The following NFKB1 variants were observed in gnomAD, a reference collection of about 807,000 sequenced individuals.
NFKB1 encodes the protein nuclear factor kappa B subunit 1, also known as nuclear factor NF-kappa-B p105 subunit.
A neutral mutation model predicts 105.1 loss-of-function variants in NFKB1; 9 were observed. That is an observed-to-expected ratio of 0.09 (90% CI 0.05 to 0.15). The LOEUF is 0.15. Ranked by LOEUF, NFKB1 falls within the 10% of genes least tolerant of loss-of-function variation. The pLI is 1.00. For missense variants in NFKB1, 830 were observed against 1,203.7 expected, an observed-to-expected ratio of 0.69 and a Z score of 4.59; for synonymous variants, 440 against 442.2, an observed-to-expected ratio of 1.00 and a Z score of 0.06.
intron 6 of NFKB1, among the ~76,000 whole-genome samples, chr4:102,576,100 G>T (rs1009370123): frequency 6.6e-6 from 1 of 152,100 alleles, no homozygotes; most frequent in African/African-American, 2.4e-5. Flanking sequence ...CATTTTCATT[G>T]CTTTTTAAGC....
In NFKB1 at chr4:102,613,508, C is replaced by G. The variant is rs1421189905; in HGVS notation, c.2676C>G (p.Ala892=). 1 of 1,613,976 alleles carries G rather than the reference C, an allele frequency of 6.2e-7. No individual in the cohort carries two copies. Among genetic ancestry groups the G allele is most frequent in the South Asian group, 1.1e-5 (1 of 91,048 alleles). The part of the protein sequence containing the change: ...YTEAIEVIQA[A]SSPVKTTSQA... The stretch of plus-strand genomic sequence containing the variant: ...AAGCAATTGAAGTGATCCAGGCAGC[C>G]TCCAGCCCAGTGAAGACCACCTCTC... Residue 892 remains alanine, a synonymous_variant, in exon 23 of 24, where the codon GCC becomes GCG. Transcript: ENST00000226574.
At chr4:102,550,977 GGTT>G (rs1376122546) in intron 5 of NFKB1, among the ~76,000 whole-genome samples, 2 of 152,070 alleles carry the variant, frequency 1.3e-5, no homozygotes, top group African/African-American at 2.4e-5. Context: ...TATAAAGTCA[GGTT>G]GTTCTATTAA....
intron 11 of NFKB1, among the ~76,000 whole-genome samples, chr4:102,591,985 AG>A (rs1265672410): frequency 2.0e-5 from 3 of 152,244 alleles, no homozygotes; most frequent in African/African-American, 7.2e-5. Context: ...AATTGATTCC[AG>A]CCCTCGTGGG....
intron 1 of NFKB1, among the ~76,000 whole-genome samples, chr4:102,523,117 G>A (rs73837252): frequency 0.022 from 3,411 of 152,134 alleles, 63 homozygotes; most frequent in African/African-American, 0.057. Context: ...TTTTACAGAT[G>A]AAGAAACAAA....
In NFKB1 at chr4:102,576,874, A is replaced by T; in HGVS notation, c.408-2A>T. Reference sequence around the variant, plus strand: ...CTGCTGCTGTTACTGTTTTTTCTCCAGCTTCGCAAACCTGGGTATACTTCA... The same window carrying T: ...CTGCTGCTGTTACTGTTTTTTCTCCTGCTTCGCAAACCTGGGTATACTTCA... On this transcript the variant is annotated splice_acceptor_variant, in intron 6 of 23. Transcript: ENST00000226574. LOFTEE classifies it high-confidence loss of function. The T allele has an allele frequency of 6.2e-7, 1 of 1,601,970 alleles. No homozygotes were observed. Among genetic ancestry groups the T allele is most frequent in the Non-Finnish European group, 8.5e-7 (1 of 1,176,022 alleles).
chr4:102,569,031 T>C (rs1256138652), intron 6 of NFKB1, among the ~76,000 whole-genome samples: 1 of 152,148 alleles, frequency 6.6e-6, no homozygotes, highest in African/African-American at 2.4e-5. Context: ...TTTTTAGTGT[T>C]TCCTATGAAA....
chr4:102,525,660 T>C (rs1020480851), intron 2 of NFKB1, 103 bp downstream of exon 2: 79 of 1,067,890 alleles, frequency 7.4e-5, no homozygotes, highest in South Asian at 4.4e-4. Flanking sequence ...ATTCTAAAAT[T>C]AGTAAATTTT....
chr4:102,580,374 A>G (rs897430031), intron 8 of NFKB1, among the ~76,000 whole-genome samples, 161 bp from the exon 9 acceptor site: 3 of 152,212 alleles, frequency 2.0e-5, no homozygotes, highest in Non-Finnish European at 4.4e-5. Context: ...AAGTGTTCCG[A>G]GAATTTCAGA....
intron 16 of NFKB1, among the ~76,000 whole-genome samples, chr4:102,602,504 A>AG (rs1727256371): frequency 6.6e-6 from 1 of 150,942 alleles, no homozygotes. Context: ...GCGCCACTGC[A>AG]CTCCAGCCTG....
At chr4:102,615,799 G>A (rs1728895465) in intron 23 of NFKB1, among the ~76,000 whole-genome samples, 1 of 152,130 alleles carries the variant, frequency 6.6e-6, no homozygotes, top group South Asian at 2.1e-4. Flanking sequence ...TACATAAGAA[G>A]ATAGCATTTT....
At chr4:102,547,326 G>A (rs1416788557) in intron 5 of NFKB1, among the ~76,000 whole-genome samples, 2 of 152,174 alleles carry the variant, frequency 1.3e-5, no homozygotes, top group Non-Finnish European at 2.9e-5. Context: ...TACAAAAGAA[G>A]GAGTAAGAGG....
At chr4:102,607,582 T>C (rs1727904336) in intron 18 of NFKB1, 67 bp from the exon 19 acceptor site, 1 of 1,499,622 alleles carries the variant, frequency 6.7e-7, no homozygotes. Flanking sequence ...CCATGCACAC[T>C]GGGAGGTGGG....
At chr4:102,612,691 T>C in intron 22 of NFKB1, 85 bp downstream of exon 22, 1 of 1,306,972 alleles carries the variant, frequency 7.7e-7, no homozygotes, top group Non-Finnish European at 1.1e-6. Context: ...CTCCTTCCCT[T>C]TTCCTTAACT....
rs1038825509 is a variant in NFKB1, at chr4:102,515,350, T to C, written c.-7-10162T>C. On this transcript the variant is annotated intron_variant, in intron 1 of 23. Coordinates refer to ENST00000226574, the MANE Select transcript of NFKB1 (RefSeq NM_003998.4). ...TGGTCTCGATCTCCTGACCTCGTGA[T>C]CCGCCCGCCTCGGCCTCCCAAAGTG... Among the ~76,000 whole-genome samples, 3 of 151,848 alleles carry C rather than the reference T, an allele frequency of 2.0e-5. No individual in the cohort carries two copies. The South Asian group carries it at 6.2e-4, about 32-fold the overall frequency.
chr4:102,523,731 C>T (rs1740717271), intron 1 of NFKB1, among the ~76,000 whole-genome samples: 1 of 152,118 alleles, frequency 6.6e-6, no homozygotes, highest in Non-Finnish European at 1.5e-5. Flanking sequence ...GGCTATTAAT[C>T]ATCATGTTTT....
intron 1 of NFKB1, among the ~76,000 whole-genome samples, chr4:102,524,039 A>G (rs1740738186): frequency 1.3e-5 from 2 of 152,110 alleles, no homozygotes. Context: ...GAAAAAAAAA[A>G]AGAAAAATAA....
intron 6 of NFKB1, 25 bp from the exon 7 acceptor site, chr4:102,576,851 G>A: frequency 6.3e-7 from 1 of 1,590,720 alleles, no homozygotes; most frequent in Non-Finnish European, 8.5e-7. Flanking sequence ...TGTTGTTGCT[G>A]CTGCTGTTAC....
At chr4:102,545,584 T>C (rs1722070188) in intron 5 of NFKB1, among the ~76,000 whole-genome samples, 1 of 152,122 alleles carries the variant, frequency 6.6e-6, no homozygotes, top group Non-Finnish European at 1.5e-5. Context: ...GCCTGCACTC[T>C]TAACCATTGT....
chr4:102,593,600 T>C (rs1324801442), intron 12 of NFKB1, 32 bp downstream of exon 12: 6 of 1,592,064 alleles, frequency 3.8e-6, no homozygotes, highest in Admixed American at 3.5e-5. Context: ...CTAAAACTTT[T>C]TCATATTGGA....
Sources: gnomAD v4.1 joint callset for allele counts (sites outside exome capture counted in the v4.1 genomes callset) on GRCh38, gnomAD v4.1.1 for gene constraint, MANE v1.5 for transcripts, NCBI Gene and HGNC (gene_info 2026-07-23, HGNC 2026-07-21) for gene names.